The following ZRANB3 variants were observed in gnomAD, a reference collection of about 807,000 sequenced individuals.
The protein encoded by ZRANB3 is DNA annealing helicase and endonuclease ZRANB3.
Under a neutral mutation model 133.8 loss-of-function variants are expected in ZRANB3, and 125 were observed. The ratio of observed to expected loss-of-function variants is 0.93; its 90% CI spans 0.81 to 1.08. The LOEUF is 1.08. Ranked by LOEUF, ZRANB3 falls within the 50% of genes least tolerant of loss-of-function variation. The pLI, the probability that ZRANB3 is intolerant of heterozygous loss-of-function variation, is 0.00. For synonymous variants in ZRANB3, 387 were observed against 432.7 expected (o/e 0.89, Z 1.31); for missense variants, 1,229 against 1,275.5 (o/e 0.96, Z 0.56).
chr2:135,347,634 A>G (rs1487010270), intron 5 of ZRANB3, among the ~76,000 whole-genome samples: 1 of 152,204 alleles, frequency 6.6e-6, no homozygotes, highest in Admixed American at 6.5e-5. Flanking sequence ...TGGGTCATAC[A>G]GTAACATTTT....
intron 2 of ZRANB3, among the ~76,000 whole-genome samples, chr2:135,414,188 T>C (rs994614874): frequency 9.2e-5 from 14 of 152,104 alleles, no homozygotes; most frequent in African/African-American, 7.2e-5. Context: ...GACCCATCAG[T>C]GTGCTGTATT....
chr2:135,388,312 G>T (rs6755131), intron 3 of ZRANB3, among the ~76,000 whole-genome samples: 40,230 of 152,054 alleles, frequency 0.26, 8,877 homozygotes, highest in African/African-American at 0.59. Context: ...TACGATTCAA[G>T]ATGAGATTTG....
intron 8 of ZRANB3, among the ~76,000 whole-genome samples, chr2:135,283,396 G>T (rs886463069): frequency 3.9e-5 from 6 of 152,066 alleles, no homozygotes; most frequent in Non-Finnish European, 8.8e-5. Context: ...GGATCACGAG[G>T]TCAGGAGATC....
At chr2:135,473,025 T>A (rs927573389) in intron 2 of ZRANB3, among the ~76,000 whole-genome samples, 1 of 152,206 alleles carries the variant, frequency 6.6e-6, no homozygotes, top group African/African-American at 2.4e-5. Context: ...AGCTGTACTA[T>A]AAGCATTTTA....
intron 2 of ZRANB3, among the ~76,000 whole-genome samples, chr2:135,398,467 C>T (rs1039936928): frequency 4.0e-5 from 6 of 151,488 alleles, no homozygotes; most frequent in African/African-American, 1.2e-4. Flanking sequence ...ATCTTTTTGC[C>T]CTTACTCTTT....
intron 8 of ZRANB3, among the ~76,000 whole-genome samples, chr2:135,303,127 T>C (rs890312490): frequency 6.6e-6 from 1 of 152,176 alleles, no homozygotes; most frequent in Non-Finnish European, 1.5e-5. Flanking sequence ...AAGGAGAGTA[T>C]ATTGAAAATA....
chr2:135,217,629 A>G lies in ZRANB3; in HGVS notation c.2353-22T>C. On this transcript the variant is annotated intron_variant, in intron 16 of 20. Coordinates refer to ENST00000264159, the MANE Select transcript of ZRANB3 (RefSeq NM_032143.4). ...AAATCTGGCAGAAAATGAGATAATA[A>G]GAGTTAACAGCTCACAGGCAGATAT... 3 of 1,606,416 alleles carry G rather than the reference A, an allele frequency of 1.9e-6. No individual in the cohort carries two copies. In the Admixed American group the frequency reaches 5.2e-5, roughly 28 times the overall value.
intron 6 of ZRANB3, among the ~76,000 whole-genome samples, chr2:135,328,246 T>C (rs990071520): frequency 7.5e-6 from 1 of 133,542 alleles, no homozygotes. Context: ...CCCCCATGTG[T>C]GATGTTCCCT....
intron 6 of ZRANB3, among the ~76,000 whole-genome samples, chr2:135,330,081 C>G (rs1302922845): frequency 1.3e-5 from 2 of 152,198 alleles, no homozygotes; most frequent in Non-Finnish European, 2.9e-5. Flanking sequence ...GCCAGAACTT[C>G]CAACAATATG....
chr2:135,292,057 C>T (rs1454787621), intron 8 of ZRANB3, among the ~76,000 whole-genome samples: 5 of 152,120 alleles, frequency 3.3e-5, no homozygotes, highest in Middle Eastern at 3.2e-3. Flanking sequence ...AATAAATGTA[C>T]GTGTGCATGT....
chr2:135,272,762 C>T lies in ZRANB3; in HGVS notation c.1087-875G>A, dbSNP rs949063860. ...TATGGTCATCTCCAGAGAGGTGGGG[C>T]ACTGAGGCACCCACACACATTTTTG... On this transcript the variant is annotated intron_variant, in intron 9 of 20. Coordinates refer to ENST00000264159, the MANE Select transcript of ZRANB3 (RefSeq NM_032143.4). 6.6e-5 allele frequency among the ~76,000 whole-genome samples: 10 copies of T among 152,108 alleles called. No homozygotes were observed. In the South Asian group the frequency reaches 2.1e-3, roughly 32 times the overall value.
rs1309268080 is a variant in ZRANB3 at position 135,230,569 on chromosome 2, A to C, written c.1898T>G (p.Ile633Ser). ...ACAATAAGGTAACTCTGAATTATTG[A>C]TATAGGTGCAGAGACTACATTGCCA... Reference protein sequence around the residue: ...EGWQCSLCTYINNSELPYCEM... With the variant: ...EGWQCSLCTYSNNSELPYCEM... The change falls in exon 13 of 21, where the codon ATC becomes AGC. Residue 633 changes from isoleucine to serine, a missense_variant. Physicochemically the swap from Ile to Ser is moderately radical, Grantham distance 142. Transcript: ENST00000264159. 7 of 1,580,892 alleles carry C rather than the reference A, an allele frequency of 4.4e-6. 1 individual carries two copies. The Admixed American group carries it at 1.3e-4, about 30-fold the overall frequency.
chr2:135,209,101 C>T lies in ZRANB3; in HGVS notation c.2496-123G>A, dbSNP rs536321045. On this transcript the variant is annotated intron_variant, in intron 17 of 20. Coordinates refer to ENST00000264159, the MANE Select transcript of ZRANB3 (RefSeq NM_032143.4). ...AGCAAGCACAATTCTATTAACTGTG[C>T]TGAAACTCAAGTTAGAAAATGGAAT... 123 of 833,974 alleles carry T rather than the reference C, an allele frequency of 1.5e-4. No individual in the cohort carries two copies. The South Asian group carries it at 2.8e-3, about 19-fold the overall frequency. The allele number at this position is 833,974 out of a possible 1,614,324, so 51.7% of individuals were successfully genotyped here. A position where few individuals can be genotyped will look rare whatever the true frequency, so the allele number is the denominator to read the frequency against.
At chr2:135,514,611 C>A (rs1388572883) in intron 1 of ZRANB3, among the ~76,000 whole-genome samples, 1 of 152,122 alleles carries the variant, frequency 6.6e-6, no homozygotes, top group African/African-American at 2.4e-5. Flanking sequence ...TTCCTCTCTT[C>A]CTATCCGAAT....
intron 19 of ZRANB3, 116 bp downstream of exon 19, chr2:135,207,318 A>G (rs951746019): frequency 3.1e-6 from 4 of 1,302,070 alleles, no homozygotes; most frequent in African/African-American, 2.9e-5. Context: ...TGGGTCCATT[A>G]TTTTCTTTCC....
intron 12 of ZRANB3, among the ~76,000 whole-genome samples, chr2:135,239,813 C>T (rs907401089): frequency 6.6e-6 from 1 of 151,860 alleles, no homozygotes; most frequent in East Asian, 1.9e-4. Context: ...ATGATGAAAC[C>T]GTGTCTCTAC....
chr2:135,249,898 A>C (rs1207834333), intron 12 of ZRANB3, among the ~76,000 whole-genome samples: 1 of 152,202 alleles, frequency 6.6e-6, no homozygotes, highest in African/African-American at 2.4e-5. Flanking sequence ...GTAAACTGGT[A>C]CCAGTAGAGT....
At chr2:135,397,791 G>C (rs1421300612) in intron 2 of ZRANB3, among the ~76,000 whole-genome samples, 5 of 152,052 alleles carry the variant, frequency 3.3e-5, no homozygotes, top group Non-Finnish European at 7.3e-5. Context: ...CTTTCAATAA[G>C]CTACAGTATT....
At chr2:135,228,149 C>T (rs1305411638) in intron 13 of ZRANB3, 134 bp from the exon 14 acceptor site, 5 of 740,764 alleles carry the variant, frequency 6.7e-6, no homozygotes, top group Non-Finnish European at 1.1e-5. Flanking sequence ...TTATCAGGAG[C>T]ATACTATATA....
Sources: gnomAD v4.1 joint callset for allele counts (sites outside exome capture counted in the v4.1 genomes callset) on GRCh38, gnomAD v4.1.1 for gene constraint, MANE v1.5 for transcripts, NCBI Gene and HGNC (gene_info 2026-07-23, HGNC 2026-07-21) for gene names.